Variants in TNRC6B observed in about 807,000 individuals in gnomAD.
TNRC6B encodes trinucleotide repeat containing adaptor 6B.
TNRC6B carries 52 observed loss-of-function variants against 203.6 expected under a neutral mutation model. The ratio of observed to expected loss-of-function variants is 0.26; its 90% CI spans 0.20 to 0.32. The LOEUF is 0.32. Ranked by LOEUF, TNRC6B falls within the 10% of genes least tolerant of loss-of-function variation. The probability of loss-of-function intolerance (pLI) is 1.00; values close to 1 mark genes in which losing one functional copy is unlikely to be tolerated. For missense variants in TNRC6B, 1,923 were observed against 2,286.2 expected (o/e 0.84, Z 3.24); for synonymous variants, 838 against 845.7 (o/e 0.99, Z 0.16).
At chr22:40,056,952 A>T (rs1381884663) in intron 1 of TNRC6B, among the ~76,000 whole-genome samples, 2 of 152,212 alleles carry the variant, frequency 1.3e-5, no homozygotes, top group Non-Finnish European at 2.9e-5. Flanking sequence ...GCACAGGTAG[A>T]CTATATTCAT....
chr22:40,121,054 C>A (rs1032043269), intron 2 of TNRC6B, among the ~76,000 whole-genome samples: 1 of 152,072 alleles, frequency 6.6e-6, no homozygotes, highest in East Asian at 1.9e-4. Context: ...GATACAAGGC[C>A]AGGAATATGA....
intron 1 of TNRC6B, among the ~76,000 whole-genome samples, chr22:40,183,932 T>A (rs184472152): frequency 3.9e-5 from 6 of 152,172 alleles, no homozygotes; most frequent in African/African-American, 1.4e-4. Flanking sequence ...CCTGACCTTG[T>A]GATTCACCTG....
intron 12 of TNRC6B, among the ~76,000 whole-genome samples, chr22:40,290,535 G>A (rs1037310667): frequency 2.6e-5 from 4 of 152,194 alleles, no homozygotes; most frequent in Non-Finnish European, 5.9e-5. Context: ...CCAAGCATAC[G>A]CTTAGAACAT....
intron 3 of TNRC6B, among the ~76,000 whole-genome samples, chr22:40,152,829 GGT>G (rs2068771157): frequency 6.6e-6 from 1 of 151,922 alleles, no homozygotes; most frequent in African/African-American, 2.4e-5. Context: ...GGCCGGGTGT[GGT>G]GGCTCACACC....
At chr22:40,187,958 G>A (rs939537541) in intron 1 of TNRC6B, among the ~76,000 whole-genome samples, 3 of 152,272 alleles carry the variant, frequency 2.0e-5, no homozygotes, top group Admixed American at 6.5e-5. Context: ...GGTGGCTCAC[G>A]CCTGTAGTCC....
At chr22:40,120,430 TATAC>T (rs1425054558) in intron 2 of TNRC6B, among the ~76,000 whole-genome samples, 2 of 151,892 alleles carry the variant, frequency 1.3e-5, no homozygotes, top group Non-Finnish European at 2.9e-5. Flanking sequence ...TGGACTAGGA[TATAC>T]ATAGAGAGAG....
intron 22 of TNRC6B, chr22:40,321,647 G>A (rs569318966): frequency 2.4e-4 from 41 of 169,274 alleles, no homozygotes; most frequent in Non-Finnish European, 4.4e-4. Context: ...TCAGCCAGGC[G>A]TGGGGGCGCA....
At position 40,267,749 on chromosome 22, in the gene TNRC6B, G is replaced by A. The variant is rs142520112; in HGVS notation, c.2806+713G>A. ...GACGGGTGTGGTGCATGTGCATATA[G>A]TCCCACCTACTCTAGAGGCTGAGGT... On this transcript the variant is annotated intron_variant, in intron 5 of 22. Coordinates refer to ENST00000454349, the MANE Select transcript of TNRC6B (RefSeq NM_001162501.2). Among the ~76,000 whole-genome samples the A allele has an allele frequency of 3.1e-3, 467 of 152,126 alleles. 2 individuals carry two copies. Among genetic ancestry groups the A allele is most frequent in the African/African-American group, 0.011 (451 of 41,504 alleles).
intron 15 of TNRC6B, among the ~76,000 whole-genome samples, chr22:40,301,821 A>C (rs902934944): frequency 3.3e-5 from 5 of 152,196 alleles, no homozygotes; most frequent in Non-Finnish European, 7.4e-5. Context: ...AAAATCTGAA[A>C]CTTTTTGATC....
intron 1 of TNRC6B, among the ~76,000 whole-genome samples, chr22:40,231,751 A>C (rs1173039674): frequency 2.0e-5 from 3 of 152,204 alleles, no homozygotes; most frequent in African/African-American, 4.8e-5. Flanking sequence ...GAAGGCTCCT[A>C]TTATTGTTGA....
chr22:40,288,049 G>A (rs1382623930), intron 12 of TNRC6B, among the ~76,000 whole-genome samples: 6 of 152,346 alleles, frequency 3.9e-5, no homozygotes, highest in African/African-American at 7.2e-5. Flanking sequence ...TGGGGGAAAG[G>A]CAGTTACTCT....
At position 40,066,218 on chromosome 22, in the gene TNRC6B, G is replaced by A. The variant is rs372962817; in HGVS notation, c.-121+21220G>A. On this transcript the variant is annotated intron_variant, in intron 1 of 23. Coordinates refer to the TNRC6B transcript ENST00000301923. Reference sequence around the variant, plus strand: ...TCATAGGCCACCTTCTTCATTTGCCGTGTCTCAGGGATCACATCACTGTCC... The same window carrying A: ...TCATAGGCCACCTTCTTCATTTGCCATGTCTCAGGGATCACATCACTGTCC... Among the ~76,000 whole-genome samples, 20 of 152,202 alleles carry A rather than the reference G, an allele frequency of 1.3e-4. No homozygotes were observed. The South Asian group carries it at 2.7e-3, about 21-fold the overall frequency.
Position 40,114,280 on chromosome 22 carries a change from G to A in TNRC6B, c.-120-2775G>A, listed in dbSNP as rs550381927. Among the ~76,000 whole-genome samples, 4 of 152,154 alleles carry A rather than the reference G, an allele frequency of 2.6e-5. No individual in the cohort carries two copies. The East Asian group carries it at 7.7e-4, about 29-fold the overall frequency. ...AAAGATTTAGTTCTAATTAAATCCT[G>A]TGAGTTTAGTTAGGTACTTGGCTTT... On this transcript the variant is annotated intron_variant, in intron 1 of 23. Transcript: ENST00000301923.
At chr22:40,303,525 AATAG>A (rs1231767666) in intron 15 of TNRC6B, among the ~76,000 whole-genome samples, 1 of 152,260 alleles carries the variant, frequency 6.6e-6, no homozygotes, top group African/African-American at 2.4e-5. Context: ...CTTATTAAAT[AATAG>A]ATAAACATTA....
intron 2 of TNRC6B, among the ~76,000 whole-genome samples, chr22:40,117,478 A>G (rs780259900): frequency 2.0e-5 from 3 of 152,190 alleles, no homozygotes; most frequent in Non-Finnish European, 2.9e-5. Context: ...TCTGAATGAT[A>G]GATTTACTCA....
chr22:40,267,106 G>A, intron 5 of TNRC6B, 70 bp downstream of exon 5: 1 of 1,403,580 alleles, frequency 7.1e-7, no homozygotes, highest in South Asian at 1.5e-5. Context: ...TTTTTATTAG[G>A]TGAATTTATT....
chr22:40,260,846 C>G (rs2070370250), intron 3 of TNRC6B, among the ~76,000 whole-genome samples: 1 of 152,216 alleles, frequency 6.6e-6, no homozygotes, highest in Admixed American at 6.5e-5. Flanking sequence ...ATTCTTGTCA[C>G]TGTCAGCCGC....
intron 2 of TNRC6B, among the ~76,000 whole-genome samples, chr22:40,119,072 T>C (rs1239402527): frequency 6.6e-6 from 1 of 152,160 alleles, no homozygotes; most frequent in Non-Finnish European, 1.5e-5. Context: ...AAGGGCTGGA[T>C]CCTGGAGGGC....
chr22:40,280,983 C>A, intron 10 of TNRC6B, 136 bp from the exon 11 acceptor site: 1 of 678,584 alleles, frequency 1.5e-6, no homozygotes. Flanking sequence ...ATTATCAGAT[C>A]CAAATTCCAT....
Sources: gnomAD v4.1 joint callset for allele counts (sites outside exome capture counted in the v4.1 genomes callset) on GRCh38, gnomAD v4.1.1 for gene constraint, MANE v1.5 for transcripts, NCBI Gene and HGNC (gene_info 2026-07-23, HGNC 2026-07-21) for gene names.